The following PEAK1 variants were observed in gnomAD, a reference collection of about 807,000 sequenced individuals.
PEAK1 encodes inactive tyrosine-protein kinase PEAK1.
PEAK1 carries 54 observed loss-of-function variants against 124.7 expected under a neutral mutation model. That is an observed-to-expected ratio of 0.43 (90% confidence interval 0.35 to 0.54). PEAK1 has a LOEUF of 0.54. PEAK1 is among the 20% of genes least tolerant of loss of function. The pLI is 0.01. For missense variants in PEAK1, 2,046 were observed against 2,134.5 expected, an observed-to-expected ratio of 0.96 and a Z score of 0.82; for synonymous variants, 719 against 760.0, an observed-to-expected ratio of 0.95 and a Z score of 0.89.
At chr15:77,212,422 C>T (rs1315216675) in intron 6 of PEAK1, among the ~76,000 whole-genome samples, 2 of 152,108 alleles carry the variant, frequency 1.3e-5, no homozygotes, top group Non-Finnish European at 2.9e-5. Context: ...GCCTTGCTTA[C>T]TTGGGGAAGT....
intron 8 of PEAK1, among the ~76,000 whole-genome samples, chr15:77,142,658 CTAAAACATGGAAAAACCTT>C (rs1212306478): frequency 6.6e-6 from 1 of 152,058 alleles, no homozygotes; most frequent in Non-Finnish European, 1.5e-5. Flanking sequence ...TGTATGTATG[CTAAAACATGGAAAAACCTT>C]GAAAACATGG....
chr15:77,107,390 T>C (rs1014179859), downstream of PEAK1: 1 of 152,184 alleles, frequency 6.6e-6, no homozygotes, highest in African/African-American at 2.4e-5. Flanking sequence ...AAACCTCAAG[T>C]CTGGCAGCCA....
At chr15:77,220,785 AT>A (rs1297211609) in intron 6 of PEAK1, among the ~76,000 whole-genome samples, 2 of 152,098 alleles carry the variant, frequency 1.3e-5, no homozygotes, top group African/African-American at 4.8e-5. Flanking sequence ...TGACAGGGAA[AT>A]GACAATCTAT....
At chr15:77,194,238 T>C (rs1319967320) in intron 6 of PEAK1, among the ~76,000 whole-genome samples, 2 of 152,226 alleles carry the variant, frequency 1.3e-5, no homozygotes, top group African/African-American at 4.8e-5. Context: ...CATCTAGCTA[T>C]AACTTGAGTC....
intron 6 of PEAK1, among the ~76,000 whole-genome samples, chr15:77,245,152 TA>T (rs2060523645): frequency 6.6e-6 from 1 of 152,138 alleles, no homozygotes; most frequent in Non-Finnish European, 1.5e-5. Flanking sequence ...TACGTCAAGG[TA>T]TAGGCCAAGT....
At chr15:77,399,133 T>C (rs1032184366) in intron 1 of PEAK1, among the ~76,000 whole-genome samples, 20 of 152,140 alleles carry the variant, frequency 1.3e-4, no homozygotes, top group African/African-American at 4.6e-4. Flanking sequence ...TGGGAAGATA[T>C]ACCATGTTCA....
At chr15:77,381,577 A>G (rs2069485997) in intron 1 of PEAK1, 1 of 588,784 alleles carries the variant, frequency 1.7e-6, no homozygotes, top group Admixed American at 6.4e-5. Context: ...TAAGGCATAG[A>G]GTCATTTTTA....
intron 6 of PEAK1, among the ~76,000 whole-genome samples, chr15:77,238,144 T>C (rs946990319): frequency 3.9e-5 from 6 of 152,200 alleles, no homozygotes; most frequent in African/African-American, 1.4e-4. Context: ...CGTCTAGTAA[T>C]TATGCTTATC....
At chr15:77,293,654 TA>T (rs770134967) in intron 2 of PEAK1, among the ~76,000 whole-genome samples, 1 of 152,210 alleles carries the variant, frequency 6.6e-6, no homozygotes, top group East Asian at 1.9e-4. Flanking sequence ...AACGTAGTTA[TA>T]ATTACTAAGA....
chr15:77,350,523 CATG>C (rs2067142456), intron 2 of PEAK1: 2 of 980,578 alleles, frequency 2.0e-6, no homozygotes, highest in South Asian at 4.7e-5. Flanking sequence ...TTTGAAAAAA[CATG>C]ATAATACAAT....
chr15:77,299,275 C>G (rs2063668371), intron 2 of PEAK1, among the ~76,000 whole-genome samples: 1 of 152,116 alleles, frequency 6.6e-6, no homozygotes, highest in Non-Finnish European at 1.5e-5. Flanking sequence ...CTCACAATGG[C>G]TTTTATTGAA....
intron 9 of PEAK1, among the ~76,000 whole-genome samples, chr15:77,119,445 T>C (rs1232189650): frequency 6.6e-6 from 1 of 152,172 alleles, no homozygotes; most frequent in East Asian, 1.9e-4. Context: ...CAAACAAGTA[T>C]CTCATGGCTC....
chr15:77,371,201 A>C, intron 1 of PEAK1: 2 of 984,118 alleles, frequency 2.0e-6, no homozygotes, highest in Non-Finnish European at 2.4e-6. Flanking sequence ...AAGTAATTTT[A>C]TTCTATGGAT....
intron 2 of PEAK1, among the ~76,000 whole-genome samples, 183 bp downstream of exon 2, chr15:77,364,980 T>C (rs181908954): frequency 2.6e-5 from 4 of 152,364 alleles, no homozygotes; most frequent in African/African-American, 7.2e-5. Context: ...ACAAGTTTCA[T>C]TTATTTCAAA....
intron 5 of PEAK1, among the ~76,000 whole-genome samples, chr15:77,283,225 A>AT (rs1322101054): frequency 6.6e-6 from 1 of 152,208 alleles, no homozygotes; most frequent in Admixed American, 6.5e-5. Context: ...ATTTTGTTGT[A>AT]TATCAACTCC....
chr15:77,300,570 T>C (rs775238359), intron 2 of PEAK1, among the ~76,000 whole-genome samples: 8 of 152,198 alleles, frequency 5.3e-5, no homozygotes, highest in Non-Finnish European at 1.0e-4. Flanking sequence ...TACGAACATT[T>C]TACATTAGTA....
intron 6 of PEAK1, among the ~76,000 whole-genome samples, chr15:77,194,067 A>G (rs2057988135): frequency 6.6e-6 from 1 of 152,210 alleles, no homozygotes; most frequent in Non-Finnish European, 1.5e-5. Flanking sequence ...TCCAAAACAC[A>G]GTATGCTCAA....
At chr15:77,415,312 T>C (rs1010211719) in intron 1 of PEAK1, among the ~76,000 whole-genome samples, 3 of 152,234 alleles carry the variant, frequency 2.0e-5, no homozygotes, top group African/African-American at 7.2e-5. Context: ...CTCCACCCCA[T>C]CCACTGTTAG....
chr15:77,208,271 A>T (rs557747671), intron 6 of PEAK1, among the ~76,000 whole-genome samples: 1 of 152,322 alleles, frequency 6.6e-6, no homozygotes, highest in African/African-American at 2.4e-5. Context: ...GTGCAATGCT[A>T]TACCACTTTT....
Sources: gnomAD v4.1 joint callset for allele counts (sites outside exome capture counted in the v4.1 genomes callset) on GRCh38, gnomAD v4.1.1 for gene constraint, MANE v1.5 for transcripts, NCBI Gene and HGNC (gene_info 2026-07-23, HGNC 2026-07-21) for gene names.